DNAH3: variants seen among roughly 807,000 people sequenced by gnomAD.
The protein encoded by DNAH3 is axonemal beta dynein heavy chain 3.
DNAH3 carries 332 observed loss-of-function variants against 432.5 expected under a neutral mutation model. That is an observed-to-expected ratio of 0.77 (90% confidence interval 0.70 to 0.84). The LOEUF (loss-of-function observed/expected upper bound fraction) is 0.84, where lower values mean the gene tolerates loss of function less well. Among genes scored for constraint, DNAH3 ranks in the 40% least tolerant of loss-of-function variants. The probability of loss-of-function intolerance (pLI) is 0.00; values close to 1 mark genes in which losing one functional copy is unlikely to be tolerated. For synonymous variants in DNAH3, 1,956 were observed against 1,900.2 expected, an observed-to-expected ratio of 1.03 and a Z score of -0.76; for missense variants, 4,861 against 5,114.0, an observed-to-expected ratio of 0.95 and a Z score of 1.51.
intron 1 of DNAH3, among the ~76,000 whole-genome samples, chr16:21,147,826 C>T (rs1385234200): frequency 3.3e-5 from 5 of 152,180 alleles, no homozygotes; most frequent in South Asian, 2.1e-4. Context: ...GTGTTTTTGT[C>T]TTAAGACTTA....
intron 7 of DNAH3, 186 bp downstream of exon 8, chr16:21,134,073 G>T: frequency 1.8e-6 from 1 of 560,054 alleles, no homozygotes. Flanking sequence ...GGACACAAAG[G>T]AGGGCCACGT....
At chr16:21,116,612 A>G (rs960431360) in intron 12 of DNAH3, among the ~76,000 whole-genome samples, 2 of 152,124 alleles carry the variant, frequency 1.3e-5, no homozygotes, top group Non-Finnish European at 2.9e-5. Flanking sequence ...GTGAGAACGG[A>G]CTATACATAG....
In DNAH3 at chr16:21,036,144, G is replaced by A. The variant is rs545730396; in HGVS notation, c.5085+570C>T. Among the ~76,000 whole-genome samples, 39 of 152,232 alleles carry A rather than the reference G, an allele frequency of 2.6e-4. 1 individual carries two copies. In the South Asian group the frequency reaches 8.1e-3, roughly 32 times the overall value. On this transcript the variant is annotated intron_variant, in intron 35 of 61. Coordinates refer to ENST00000261383, the Ensembl canonical transcript of DNAH3. The stretch of plus-strand genomic sequence containing the variant: ...GTTTGAGACCAGTCTGGGTAACATG[G>A]TGAAACCCCATCCCTACAAAAAGTA...
exon 52 of DNAH3, chr16:20,969,901 C>T (rs763273622): frequency 3.1e-6 from 5 of 1,614,166 alleles, no homozygotes; most frequent in African/African-American, 1.3e-5. Flanking sequence ...ACTTCACCAG[C>T]GAGATGTCGG....
chr16:20,985,846 T>C (rs2086165767), intron 47 of DNAH3, 131 bp from the exon 48 acceptor site: 1 of 935,324 alleles, frequency 1.1e-6, no homozygotes, highest in Non-Finnish European at 1.6e-6. Context: ...TCATGGGTCA[T>C]CAGTTTTGTT....
chr16:21,044,735 C>T (rs2152737001), intron 31 of DNAH3, among the ~76,000 whole-genome samples: 1 of 85,172 alleles, frequency 1.2e-5, no homozygotes, highest in East Asian at 3.0e-4. Context: ...TGAGAGAGGG[C>T]ATCCCTGTCT....
At chr16:20,981,126 A>G (rs1429954463) in intron 49 of DNAH3, among the ~76,000 whole-genome samples, 1 of 152,230 alleles carries the variant, frequency 6.6e-6, no homozygotes, top group Non-Finnish European at 1.5e-5. Flanking sequence ...GTTAACTGTA[A>G]TGATGCAATG....
intron 53 of DNAH3, among the ~76,000 whole-genome samples, chr16:20,962,674 G>C (rs1359457660): frequency 1.3e-5 from 2 of 152,112 alleles, no homozygotes; most frequent in African/African-American, 2.4e-5. Flanking sequence ...TTCTTTTTTG[G>C]GGGGAGGGGG....
Position 20,958,830 on chromosome 16 carries a change from C to T in DNAH3, c.10826+349G>A, listed in dbSNP as rs111865434. 7.4e-3 allele frequency among the ~76,000 whole-genome samples: 1,134 copies of T among 152,226 alleles called. 18 individuals carry two copies. The highest frequency in any genetic ancestry group is 0.026 in the African/African-American group (1,096 of 41,538). ...TCGCCCAGGCTGGAGTGCAGTGATACGATCCCTGCTCGCTACAACCTCTGC... is the reference window on the plus strand; with the variant it reads ...TCGCCCAGGCTGGAGTGCAGTGATATGATCCCTGCTCGCTACAACCTCTGC... On this transcript the variant is annotated intron_variant, in intron 54 of 61. Coordinates refer to ENST00000261383, the Ensembl canonical transcript of DNAH3.
intron 41 of DNAH3, among the ~76,000 whole-genome samples, chr16:21,017,036 G>A (rs1430907133): frequency 6.6e-6 from 1 of 152,134 alleles, no homozygotes; most frequent in African/African-American, 2.4e-5. Flanking sequence ...TGTTTAATGA[G>A]AACAGTTAGT....
At chr16:21,068,262 G>C (rs858181) in intron 23 of DNAH3, among the ~76,000 whole-genome samples, 65,501 of 147,388 alleles carry the variant, frequency 0.44, 14,542 homozygotes, top group East Asian at 0.69. Context: ...TCCTTGACAC[G>C]CTGAGACAAC....
intron 51 of DNAH3, among the ~76,000 whole-genome samples, chr16:20,972,874 G>A (rs1440585502): frequency 6.6e-6 from 1 of 150,618 alleles, no homozygotes; most frequent in Non-Finnish European, 1.5e-5. Context: ...GATTACAGGT[G>A]CCCACCACCA....
chr16:20,954,679 G>T, intron 55 of DNAH3, 134 bp downstream of exon 55: 2 of 958,446 alleles, frequency 2.1e-6, no homozygotes, highest in Non-Finnish European at 3.1e-6. Flanking sequence ...TCCAAATATT[G>T]CCTGGAAAAT....
chr16:21,083,314 C>T (rs999872162), intron 19 of DNAH3, among the ~76,000 whole-genome samples: 1 of 152,072 alleles, frequency 6.6e-6, no homozygotes, highest in Non-Finnish European at 1.5e-5. Flanking sequence ...CTGCACCTGG[C>T]CAGACCAGGA....
chr16:20,945,785 C>T (rs1034850324), intron 57 of DNAH3, among the ~76,000 whole-genome samples: 3 of 152,124 alleles, frequency 2.0e-5, no homozygotes, highest in Non-Finnish European at 4.4e-5. Flanking sequence ...CCACTGCGCC[C>T]GGCCTCCTTT....
intron 18 of DNAH3, among the ~76,000 whole-genome samples, chr16:21,092,698 CAA>C (rs61277332): frequency 5.2e-4 from 6 of 11,532 alleles, no homozygotes; most frequent in African/African-American, 1.6e-3. Context: ...AAAATATTTG[CAA>C]AAAAAAAAAA....
chr16:20,963,733 T>G, exon 53 of DNAH3: 1 of 1,614,096 alleles, frequency 6.2e-7, no homozygotes. Context: ...TTCCTTCTTC[T>G]GTTTCATGAT....
intron 41 of DNAH3, among the ~76,000 whole-genome samples, chr16:21,009,033 C>T (rs1343847545): frequency 6.6e-6 from 1 of 152,204 alleles, no homozygotes; most frequent in African/African-American, 2.4e-5. Flanking sequence ...TGGCACAATG[C>T]TTACAGAGCG....
At chr16:21,009,231 T>C (rs1346520340) in intron 41 of DNAH3, among the ~76,000 whole-genome samples, 6 of 152,342 alleles carry the variant, frequency 3.9e-5, no homozygotes, top group African/African-American at 1.4e-4. Context: ...TATTCTTTGG[T>C]CATTAAAATG....
Sources: gnomAD v4.1 joint callset for allele counts (sites outside exome capture counted in the v4.1 genomes callset) on GRCh38, gnomAD v4.1.1 for gene constraint, MANE v1.5 for transcripts, NCBI Gene and HGNC (gene_info 2026-07-23, HGNC 2026-07-21) for gene names.